The following RGS6 variants were observed in gnomAD, a reference collection of about 807,000 sequenced individuals.
The protein encoded by RGS6 is regulator of G-protein signaling 6.
In RGS6, 30 loss-of-function variants were observed where a neutral mutation model predicts 78.5. That is an observed-to-expected ratio of 0.38 (90% confidence interval 0.29 to 0.52). The LOEUF is 0.52. Ranked by LOEUF, RGS6 falls within the 20% of genes least tolerant of loss-of-function variation. RGS6 has a pLI of 0.85. For synonymous variants in RGS6, 206 were observed against 206.0 expected, an observed-to-expected ratio of 1.00 and a Z score of 0.00; for missense variants, 495 against 609.7, an observed-to-expected ratio of 0.81 and a Z score of 1.98.
chr14:72,543,033 G>A (rs1338014846), intron 17 of RGS6, among the ~76,000 whole-genome samples: 1 of 152,194 alleles, frequency 6.6e-6, no homozygotes, highest in Non-Finnish European at 1.5e-5. Flanking sequence ...AGGTTACTCA[G>A]GACTTGGATA....
At chr14:72,021,855 G>T (rs1313500192) in intron 2 of RGS6, among the ~76,000 whole-genome samples, 1 of 151,848 alleles carries the variant, frequency 6.6e-6, no homozygotes, top group Non-Finnish European at 1.5e-5. Context: ...GGGAGTTGTT[G>T]TACAGATTAT....
intron 17 of RGS6, among the ~76,000 whole-genome samples, chr14:72,559,249 C>T (rs764637871): frequency 1.3e-5 from 2 of 152,214 alleles, no homozygotes; most frequent in Non-Finnish European, 2.9e-5. Context: ...TAGGGGCATG[C>T]ACTTTGGGGC....
chr14:72,507,787 G>A (rs986007755), intron 13 of RGS6, among the ~76,000 whole-genome samples: 5 of 152,184 alleles, frequency 3.3e-5, no homozygotes, highest in African/African-American at 9.7e-5. Context: ...GCCCTCATTC[G>A]AGTACAGCTG....
chr14:72,398,854 G>C (rs1226461259), intron 3 of RGS6, among the ~76,000 whole-genome samples: 2 of 152,128 alleles, frequency 1.3e-5, no homozygotes, highest in Admixed American at 6.5e-5. Flanking sequence ...CCATGTAGTT[G>C]AGCGGTTTTG....
At chr14:72,613,028 GTGTA>G in the RGS6 span, among the ~76,000 whole-genome samples, 6 of 148,276 alleles carry the variant, frequency 4.0e-5, no homozygotes, top group African/African-American at 1.5e-4. Flanking sequence ...GTGTGTGTGT[GTGTA>G]TGTGCGTGCG....
chr14:72,236,703 T>C (rs2051145138), intron 2 of RGS6, among the ~76,000 whole-genome samples: 1 of 152,046 alleles, frequency 6.6e-6, no homozygotes, highest in African/African-American at 2.4e-5. Flanking sequence ...CCCTCATCAC[T>C]TCCCACACGG....
chr14:72,380,052 ACACT>A (rs2152880736), intron 3 of RGS6, among the ~76,000 whole-genome samples: 2 of 127,856 alleles, frequency 1.6e-5, no homozygotes, highest in South Asian at 5.5e-4. Flanking sequence ...GATGTGAAGA[ACACT>A]CACTGAGGCA....
chr14:72,262,360 T>C (rs1361229643), intron 2 of RGS6, among the ~76,000 whole-genome samples: 1 of 152,222 alleles, frequency 6.6e-6, no homozygotes, highest in Non-Finnish European at 1.5e-5. Context: ...CTCTTCCTGG[T>C]TTGCAGAATC....
chr14:72,449,425 A>G (rs11623458), intron 3 of RGS6, among the ~76,000 whole-genome samples: 4,773 of 152,176 alleles, frequency 0.031, 114 homozygotes, highest in Non-Finnish European at 0.046. Context: ...GAATCAGGGG[A>G]GTGTTTTATA....
chr14:72,268,982 A>G (rs1055423443), intron 2 of RGS6, among the ~76,000 whole-genome samples: 10 of 152,166 alleles, frequency 6.6e-5, no homozygotes, highest in African/African-American at 2.2e-4. Context: ...CGCCTTTTCC[A>G]TTTCAGTCAG....
chr14:71,912,874 G>T, the RGS6 span, among the ~76,000 whole-genome samples: 1 of 151,748 alleles, frequency 6.6e-6, no homozygotes, highest in African/African-American at 2.4e-5. Context: ...CACCCAGGCT[G>T]GAGTGCAGAG....
chr14:72,334,149 G>A (rs2075586987), intron 2 of RGS6, among the ~76,000 whole-genome samples: 1 of 152,224 alleles, frequency 6.6e-6, no homozygotes, highest in Non-Finnish European at 1.5e-5. Flanking sequence ...AGGCCCCGTG[G>A]GAACGGAAAG....
chr14:72,390,090 C>CTT (rs767640465), intron 3 of RGS6, among the ~76,000 whole-genome samples: 6,875 of 117,328 alleles, frequency 0.059, 645 homozygotes, highest in East Asian at 0.34. Context: ...AGCTATAGTT[C>CTT]TTTTTTTTTT....
At chr14:72,487,013 A>T (rs547017770) in intron 12 of RGS6, among the ~76,000 whole-genome samples, 1 of 152,160 alleles carries the variant, frequency 6.6e-6, no homozygotes, top group South Asian at 2.1e-4. Context: ...TCTGGGAAGG[A>T]TCACCCTCCC....
chr14:72,152,221 TGAGAGAGAGAGAGA>T (rs1200791259), intron 2 of RGS6, among the ~76,000 whole-genome samples: 2 of 146,660 alleles, frequency 1.4e-5, no homozygotes, highest in African/African-American at 5.1e-5. Context: ...GGCAGCTGCA[TGAGAGAGAGAGAGA>T]GAGAGAGAGA....
At chr14:72,573,657 TTC>T in the RGS6 span, among the ~76,000 whole-genome samples, 1 of 152,152 alleles carries the variant, frequency 6.6e-6, no homozygotes, top group African/African-American at 2.4e-5. Flanking sequence ...AGATGCCCAC[TTC>T]TATCTACCCC....
At chr14:72,588,085 T>A in the RGS6 span, among the ~76,000 whole-genome samples, 45 of 152,166 alleles carry the variant, frequency 3.0e-4, no homozygotes, top group Non-Finnish European at 5.0e-4. Context: ...CCCAGGAATA[T>A]CTGGGCACAG....
chr14:71,923,619 C>T, the RGS6 span, among the ~76,000 whole-genome samples: 1 of 152,086 alleles, frequency 6.6e-6, no homozygotes, highest in Non-Finnish European at 1.5e-5. Flanking sequence ...AACGTATGAA[C>T]TGCTGATACG....
intron 3 of RGS6, among the ~76,000 whole-genome samples, chr14:72,434,684 A>C (rs2094817689): frequency 6.6e-6 from 1 of 152,104 alleles, no homozygotes; most frequent in African/African-American, 2.4e-5. Context: ...CATTGTATCC[A>C]GCAGTCAACA....
Sources: gnomAD v4.1 joint callset for allele counts (sites outside exome capture counted in the v4.1 genomes callset) on GRCh38, gnomAD v4.1.1 for gene constraint, MANE v1.5 for transcripts, NCBI Gene and HGNC (gene_info 2026-07-23, HGNC 2026-07-21) for gene names.